The following TRPV2 variants were observed in gnomAD, a reference collection of about 807,000 sequenced individuals.
TRPV2 encodes the protein OTRPC2.
TRPV2 carries 58 observed loss-of-function variants against 91.0 expected under a neutral mutation model. That is an observed-to-expected ratio of 0.64 (90% confidence interval 0.52 to 0.79). The LOEUF is 0.79. TRPV2 is among the 30% of genes least tolerant of loss of function. TRPV2 has a pLI of 0.00. For synonymous variants in TRPV2, 417 were observed against 414.8 expected (o/e 1.01, Z -0.06); for missense variants, 807 against 969.6 (o/e 0.83, Z 2.23).
rs572715555 is a variant in TRPV2, at chr17:16,430,571, C to T, written c.1588-1213C>T. 8.6e-5 allele frequency among the ~76,000 whole-genome samples: 13 copies of T among 151,730 alleles called. No individual in the cohort carries two copies. In the South Asian group the frequency reaches 2.1e-3, roughly 24 times the overall value. ...TGCAATCTTGGCTCACTGCAACCTCCGCCACCCAGGTTCAAGCGATTCTCC... is the reference window on the plus strand; with the variant it reads ...TGCAATCTTGGCTCACTGCAACCTCTGCCACCCAGGTTCAAGCGATTCTCC... On this transcript the variant is annotated intron_variant, in intron 10 of 14. Coordinates refer to ENST00000338560, the MANE Select transcript of TRPV2 (RefSeq NM_016113.5).
Position 16,433,560 on chromosome 17 carries a change from TCCTTTGTCC to T in TRPV2, c.1990-11_1990-3del. ...GTCCCAGGACGTTCTGTCTGATGCATCCTTTGTCCCCAGAAAGCCATCTCTGTCCTGGAG... is the reference window on the plus strand; with the variant it reads ...GTCCCAGGACGTTCTGTCTGATGCATCCAGAAAGCCATCTCTGTCCTGGAG... On this transcript the variant is annotated splice_region_variant and splice_polypyrimidine_tract_variant and intron_variant, in intron 12 of 14. Transcript: ENST00000338560. 6.2e-7 allele frequency: 1 copy of T among 1,613,548 alleles called. No individual in the cohort carries two copies. Among genetic ancestry groups the T allele is most frequent in the African/African-American group, 1.3e-5 (1 of 75,078 alleles).
Position 16,428,895 on chromosome 17 carries a change from G to T in TRPV2, c.1500G>T (p.Val500=). The change falls in exon 10 of 15, where the codon GTG becomes GTT. Residue 500 remains valine (V), a synonymous_variant. Transcript: ENST00000338560. ...TCGAGTGGTACCTGCCCCTGCTTGT[G>T]TCTGCGCTGGTGCTGGGCTGGCTGA... The part of the protein sequence containing the change: ...LAIEWYLPLL[V]SALVLGWLNL... The T allele has an allele frequency of 6.2e-7, 1 of 1,614,168 alleles. No homozygotes were observed. The highest frequency in any genetic ancestry group is 1.1e-5 in the South Asian group (1 of 91,082).
intron 13 of TRPV2, 158 bp from the exon 14 acceptor site, chr17:16,434,732 C>G (rs574674236): frequency 1.3e-3 from 834 of 631,010 alleles, no homozygotes; most frequent in Non-Finnish European, 1.9e-3. Flanking sequence ...GTGGGTGGCC[C>G]AGAACCCTGC....
chr17:16,426,681 A>G lies in TRPV2; in HGVS notation c.1096-41A>G, dbSNP rs750648837. On this transcript the variant is annotated intron_variant, in intron 6 of 14. Transcript: ENST00000338560. The surrounding 1 kb of genome is among the most constrained non-coding windows in gnomAD (Gnocchi z 6.0). ...GACATGGAGTGGGCAGCCTATTTGCACTTGTTGAGTGTACCCATGGCTCTC... is the reference window on the plus strand; with the variant it reads ...GACATGGAGTGGGCAGCCTATTTGCGCTTGTTGAGTGTACCCATGGCTCTC... 9.4e-6 allele frequency: 15 copies of G among 1,592,492 alleles called. No homozygotes were observed. The South Asian group carries it at 1.6e-4, about 17-fold the overall frequency.
At chr17:16,418,639 G>A (rs2093342222) in intron 2 of TRPV2, among the ~76,000 whole-genome samples, 1 of 152,108 alleles carries the variant, frequency 6.6e-6, no homozygotes, top group South Asian at 2.1e-4. Flanking sequence ...GGGTAGGGGA[G>A]GATGCATGAG....
At position 16,432,005 on chromosome 17, in the gene TRPV2, C is replaced by G. The variant is rs756704851; in HGVS notation, c.1694C>G (p.Ala565Gly). The G allele has an allele frequency of 1.2e-6, 2 of 1,607,082 alleles. No individual in the cohort carries two copies. Among genetic ancestry groups the G allele is most frequent in the African/African-American group, 2.7e-5 (2 of 74,756 alleles). The change falls in exon 12 of 15, where the codon GCT becomes GGT. Residue 565 changes from alanine (A) to glycine (G), a missense_variant. Transcript: ENST00000338560. ...SLSQEAWRPE[A>G]PTGPNATESV... ...AGCCAGGAGGCTTGGCGCCCCGAAG[C>G]TCCTACAGGCCCCAATGCCACAGAG...
intron 3 of TRPV2, 138 bp downstream of exon 3, chr17:16,420,386 G>C (rs2093351245): frequency 8.7e-7 from 1 of 1,145,996 alleles, no homozygotes. Flanking sequence ...TGGCTGGGGG[G>C]CCCTGTGGAC....
At chr17:16,428,458 C>A in intron 9 of TRPV2, 71 bp downstream of exon 9, 1 of 1,536,836 alleles carries the variant, frequency 6.5e-7, no homozygotes, top group Middle Eastern at 1.7e-4. Context: ...TGGCAGAAGG[C>A]ACCAGGTTGG....
chr17:16,431,743 G>A, intron 10 of TRPV2, 41 bp from the exon 11 acceptor site: 1 of 1,606,212 alleles, frequency 6.2e-7, no homozygotes, highest in Non-Finnish European at 8.5e-7. Flanking sequence ...GTGACTGGTG[G>A]CCCAGCTACC....
intron 3 of TRPV2, among the ~76,000 whole-genome samples, chr17:16,421,537 T>TC (rs1418322109): frequency 1.4e-5 from 2 of 139,122 alleles, no homozygotes; most frequent in African/African-American, 5.6e-5. Flanking sequence ...TTTTTTTTTT[T>TC]CCGAGACGGA....
rs559897926 is a variant in TRPV2 at position 16,418,018 on chromosome 17, G to A, written c.200+150G>A. On this transcript the variant is annotated intron_variant, in intron 2 of 14. Transcript: ENST00000338560. ...TCTGGCCCTGGTGGCTCCTGGGCCC[G>A]ACAGGCTGCCTCTGCTCTGCCATCT... The A allele has an allele frequency of 1.1e-4, 83 of 759,140 alleles. 2 individuals carry two copies. Among genetic ancestry groups the A allele is most frequent in the South Asian group, 3.9e-4 (21 of 53,956 alleles). The allele number at this position is 759,140 out of a possible 1,614,324, so 47.0% of individuals were successfully genotyped here.
intron 2 of TRPV2, among the ~76,000 whole-genome samples, chr17:16,418,590 C>G (rs1042614877): frequency 2.0e-5 from 3 of 152,096 alleles, no homozygotes; most frequent in Non-Finnish European, 2.9e-5. Flanking sequence ...AGAGCTGCTT[C>G]CTGTTTGTGC....
rs1600990049 is a variant in TRPV2, at chr17:16,432,372, G to A, written c.1989+72G>A. On this transcript the variant is annotated intron_variant, in intron 12 of 14. Transcript: ENST00000338560. ...CGGTGGGGAGTGCTCCGGACCCTGC[G>A]GAGCTGGGCCTTCCCTAGCCAGGAG... 8 of 1,413,456 alleles carry A rather than the reference G, an allele frequency of 5.7e-6. No individual in the cohort carries two copies. The Admixed American group carries it at 6.8e-5, about 12-fold the overall frequency. The allele number at this position is 1,413,456 out of a possible 1,614,324, so 87.6% of individuals were successfully genotyped here. A position where few individuals can be genotyped will look rare whatever the true frequency, so the allele number is the denominator to read the frequency against.
Position 16,433,049 on chromosome 17 carries a change from C to A in TRPV2, c.1990-525C>A, listed in dbSNP as rs376261501. ...TGAACTCCTGACCTCAGGTGATACA[C>A]CTGCCTCGGCCTCCCAAAGTGCTGG... On this transcript the variant is annotated intron_variant, in intron 12 of 14. Coordinates refer to ENST00000338560, the MANE Select transcript of TRPV2 (RefSeq NM_016113.5). Among the ~76,000 whole-genome samples the A allele has an allele frequency of 2.1e-4, 32 of 152,314 alleles. No homozygotes were observed. In the South Asian group the frequency reaches 6.6e-3, roughly 32 times the overall value.
intron 10 of TRPV2, among the ~76,000 whole-genome samples, chr17:16,429,220 G>A (rs577387909): frequency 6.6e-6 from 1 of 152,336 alleles, no homozygotes; most frequent in Non-Finnish European, 1.5e-5. Flanking sequence ...GGGAGCATGT[G>A]CATCCTTCCA....
chr17:16,425,227 T>A, intron 5 of TRPV2, among the ~76,000 whole-genome samples: 1 of 152,096 alleles, frequency 6.6e-6, no homozygotes, highest in Non-Finnish European at 1.5e-5. Flanking sequence ...TTTCTCCATG[T>A]TGGTCAGGCT....
intron 1 of TRPV2, among the ~76,000 whole-genome samples, chr17:16,417,306 G>A (rs2093335558): frequency 6.8e-6 from 1 of 147,318 alleles, no homozygotes; most frequent in Non-Finnish European, 1.5e-5. Flanking sequence ...TGCCCAGGCT[G>A]GAGTGCAGTG....
chr17:16,433,500 T>C (rs1035654181), intron 12 of TRPV2, 74 bp from the exon 13 acceptor site: 8 of 1,578,736 alleles, frequency 5.1e-6, no homozygotes, highest in Non-Finnish European at 6.9e-6. Context: ...ACTTCCCTGC[T>C]CCGCTTGCCT....
rs2093364756 is a variant in TRPV2 at position 16,422,820 on chromosome 17, G to A, written c.556G>A (p.Gly186Arg). 2.5e-6 allele frequency: 4 copies of A among 1,575,186 alleles called. No homozygotes were observed. The highest frequency in any genetic ancestry group is 1.4e-5 in the African/African-American group (1 of 74,042). Residue 186 changes from glycine (G) to arginine (R), a missense_variant, in exon 4 of 15, where the codon GGG (glycine) becomes AGG (arginine). Physicochemically the swap from Gly to Arg is moderately radical, Grantham distance 125 (BLOSUM62 -2). Transcript: ENST00000338560. The part of the protein sequence containing the change: ...LQCVKLLVEN[G>R]ANVHARACGR... ...GTGTGTGAAGCTCCTGGTGGAGAAT[G>A]GGGCCAATGTGCATGCCCGGGCCTG...
Sources: gnomAD v4.1 joint callset for allele counts (sites outside exome capture counted in the v4.1 genomes callset) on GRCh38, gnomAD v4.1.1 for gene constraint, Gnocchi (gnomAD v3.1) non-coding constraint, MANE v1.5 for transcripts, NCBI Gene and HGNC (gene_info 2026-07-23, HGNC 2026-07-21) for gene names.